SMARCC2: variants seen among roughly 807,000 people sequenced by gnomAD.
The protein encoded by SMARCC2 is SWI/SNF complex subunit SMARCC2.
Under a neutral mutation model 151.3 loss-of-function variants are expected in SMARCC2, and 15 were observed. The observed-to-expected ratio is 0.10, with a 90% CI of 0.07 to 0.15. SMARCC2 has a LOEUF of 0.15. SMARCC2 is among the 10% of genes least tolerant of loss of function. SMARCC2 has a pLI of 1.00. For synonymous variants in SMARCC2, 590 were observed against 609.5 expected, an observed-to-expected ratio of 0.97 and a Z score of 0.47; for missense variants, 1,031 against 1,599.7, an observed-to-expected ratio of 0.64 and a Z score of 6.06.
rs116870263 is a variant in SMARCC2, at chr12:56,167,543, G to A, written c.2850+517C>T. Among the ~76,000 whole-genome samples, 7 of 152,192 alleles carry A rather than the reference G, an allele frequency of 4.6e-5. No individual in the cohort carries two copies. The East Asian group carries it at 1.4e-3, about 29-fold the overall frequency. On this transcript the variant is annotated intron_variant, in intron 26 of 28. Transcript: ENST00000550164. ...TTTTTATGTCCTCCAAAGACAAAAT[G>A]GTTCAACACTGTGTCGGTCCCATTC...
Position 56,174,648 on chromosome 12 carries a change from C to T in SMARCC2, c.1496+3G>A. 6 of 1,603,742 alleles carry T rather than the reference C, an allele frequency of 3.7e-6. No homozygotes were observed. Among genetic ancestry groups the T allele is most frequent in the Non-Finnish European group, 5.1e-6 (6 of 1,170,922 alleles). The stretch of plus-strand genomic sequence containing the variant: ...CCCCCTTCCCCTCAGCCACAAGACC[C>T]ACCTCATGATGGCACAGACATCACC... On this transcript the variant is annotated splice_donor_region_variant and intron_variant, in intron 16 of 28. Transcript: ENST00000550164.
intron 15 of SMARCC2, among the ~76,000 whole-genome samples, chr12:56,175,082 G>C (rs1487371713): frequency 6.6e-6 from 1 of 152,212 alleles, no homozygotes; most frequent in East Asian, 1.9e-4. Context: ...CATGATCTTG[G>C]CTCATGGCAA....
chr12:56,184,156 AG>A lies in SMARCC2; in HGVS notation c.562+18del, dbSNP rs778023255. 1.9e-6 allele frequency: 3 copies of A among 1,597,022 alleles called. No homozygotes were observed. The Admixed American group carries it at 5.0e-5, about 27-fold the overall frequency. On this transcript the variant is annotated intron_variant, in intron 6 of 28. Coordinates refer to ENST00000550164, the MANE Select transcript of SMARCC2 (RefSeq NM_001330288.2). ...GTCCAAACCATCCACTCAAGTGGAC[AG>A]GAAAACCCAGGTCTCACCTTCTTCT...
intron 11 of SMARCC2, 143 bp from the exon 12 acceptor site, chr12:56,179,199 C>T (rs913173836): frequency 1.5e-6 from 1 of 678,156 alleles, no homozygotes; most frequent in Non-Finnish European, 2.5e-6. Context: ...CACAATTATT[C>T]TAGGGCTTCA....
chr12:56,177,163 C>T (rs1875177619), intron 15 of SMARCC2, among the ~76,000 whole-genome samples: 1 of 152,138 alleles, frequency 6.6e-6, no homozygotes, highest in Non-Finnish European at 1.5e-5. Flanking sequence ...CCAGCATGGT[C>T]GCGATCTCCT....
At chr12:56,164,934 C>T (rs557483354) in intron 27 of SMARCC2, among the ~76,000 whole-genome samples, 7 of 152,162 alleles carry the variant, frequency 4.6e-5, no homozygotes, top group East Asian at 1.9e-4. Context: ...ACTACATGTA[C>T]GCACCACCAC....
At chr12:56,183,271 C>T (rs969607543) in intron 7 of SMARCC2, 1 of 152,498 alleles carries the variant, frequency 6.6e-6, no homozygotes, top group African/African-American at 2.4e-5. Flanking sequence ...TATCCTGCTT[C>T]TCAGCCTCCT....
chr12:56,185,375 G>T (rs1877039991), intron 3 of SMARCC2: 1 of 395,898 alleles, frequency 2.5e-6, no homozygotes, highest in Non-Finnish European at 4.8e-6. Flanking sequence ...TAGAGACGAG[G>T]TTTCACCATA....
chr12:56,173,562 G>A (rs1483613565), intron 17 of SMARCC2, 134 bp downstream of exon 17: 3 of 771,388 alleles, frequency 3.9e-6, no homozygotes, highest in Non-Finnish European at 4.2e-6. Flanking sequence ...TGATTCCCGT[G>A]ACCCTTTGCA....
intron 2 of SMARCC2, chr12:56,186,537 A>T: frequency 2.9e-6 from 1 of 348,610 alleles, no homozygotes; most frequent in Non-Finnish European, 5.4e-6. Flanking sequence ...TTTAGTAGAG[A>T]CGGGGTTTCT....
In SMARCC2 at chr12:56,172,642, G is replaced by A. The variant is rs751507687; in HGVS notation, c.1806C>T (p.Asp602=). The A allele has an allele frequency of 1.1e-5, 18 of 1,614,108 alleles. No individual in the cohort carries two copies. The highest frequency in any genetic ancestry group is 2.7e-5 in the African/African-American group (2 of 74,932). The change falls in exon 19 of 29, where the codon GAC becomes GAT. Residue 602 remains aspartate, a synonymous_variant. Transcript: ENST00000550164. ...FPDKGKEKPT[D]MQNFGLRTDM... Reference sequence around the variant, plus strand: ...CTGTGCGCAGCCCAAAGTTTTGCATGTCTGTTGGTTTCTCTTTGCCTTTGT... The same window carrying A: ...CTGTGCGCAGCCCAAAGTTTTGCATATCTGTTGGTTTCTCTTTGCCTTTGT...
In SMARCC2 at chr12:56,168,207, G is replaced by T; in HGVS notation, c.2716-13C>A. On this transcript the variant is annotated splice_polypyrimidine_tract_variant and intron_variant, in intron 25 of 28. Coordinates refer to ENST00000550164, the MANE Select transcript of SMARCC2 (RefSeq NM_001330288.2). The stretch of plus-strand genomic sequence containing the variant: ...CAGCAGCCAAGTGCTAGGGAAGGAG[G>T]GGCGAGACAGCACATCAGTGGGAGG... The T allele has an allele frequency of 6.2e-7, 1 of 1,613,968 alleles. No homozygotes were observed.
At chr12:56,189,313 GC>G in intron 1 of SMARCC2, 37 bp downstream of exon 1, 3 of 1,338,936 alleles carry the variant, frequency 2.2e-6, no homozygotes, top group South Asian at 1.4e-5. Flanking sequence ...CCTTTGTCCC[GC>G]CCCCGGTCCC....
Position 56,173,747 on chromosome 12 carries a change from G to A in SMARCC2, c.1599C>T (p.Val533=). The change falls in exon 17 of 29, where the codon GTC becomes GTT. Residue 533 remains valine, a synonymous_variant. Transcript: ENST00000550164. ...CCAGCCCTGATGGTGTGTCAGCCAAGACATGGAAGTGAGAGGTAGGCGGAG... is the reference window on the plus strand; with the variant it reads ...CCAGCCCTGATGGTGTGTCAGCCAAAACATGGAAGTGAGAGGTAGGCGGAG... ...MGPPPTSHFH[V]LADTPSGLVP... The A allele has an allele frequency of 6.2e-7, 1 of 1,614,052 alleles. No individual in the cohort carries two copies. Among genetic ancestry groups the A allele is most frequent in the Non-Finnish European group, 8.5e-7 (1 of 1,179,964 alleles).
At chr12:56,166,581 TTTCTTTTTC>T (rs1438744529) in intron 26 of SMARCC2, among the ~76,000 whole-genome samples, 1 of 151,098 alleles carries the variant, frequency 6.6e-6, no homozygotes, top group Non-Finnish European at 1.5e-5. Flanking sequence ...CTATCTTCTA[TTTCTTTTTC>T]TTCTTTTTTT....
In SMARCC2 at chr12:56,163,035, G is replaced by A. The variant is rs1234055726; in HGVS notation, c.*654C>T. ...GACATTCAGAGGGAAAGGAATCATT[G>A]GCTGAGCTGGGGTGGCCTAAAACAG... On this transcript the variant is annotated 3_prime_UTR_variant, in exon 29 of 29. Coordinates refer to ENST00000550164, the MANE Select transcript of SMARCC2 (RefSeq NM_001330288.2). 6.6e-6 allele frequency: 1 copy of A among 152,282 alleles called. No homozygotes were observed. The highest frequency in any genetic ancestry group is 1.5e-5 in the Non-Finnish European group (1 of 68,072). 9.4% of individuals were successfully genotyped at this position (152,282 alleles called of 1,614,324 possible).
chr12:56,178,243 A>G, intron 14 of SMARCC2, 150 bp from the exon 15 acceptor site: 1 of 934,804 alleles, frequency 1.1e-6, no homozygotes, highest in South Asian at 1.6e-5. Context: ...AGGCTGTAAG[A>G]CTCAAAAGGA....
At chr12:56,164,281 T>C in intron 28 of SMARCC2, 22 bp downstream of exon 28, 1 of 1,608,846 alleles carries the variant, frequency 6.2e-7, no homozygotes. Context: ...CTCACCCTTC[T>C]CCCCTCTTGG....
chr12:56,172,515 A>G (rs1289994275), intron 19 of SMARCC2, 25 bp from the exon 20 acceptor site: 2 of 1,608,080 alleles, frequency 1.2e-6, no homozygotes, highest in Non-Finnish European at 1.7e-6. Flanking sequence ...CAGGCAGGTG[A>G]GAAGAAAGGA....
Sources: allele counts gnomAD v4.1 joint callset (sites outside exome capture counted in the v4.1 genomes callset), GRCh38; gene constraint gnomAD v4.1.1; transcripts MANE v1.5; gene names NCBI Gene and HGNC (gene_info 2026-07-23, HGNC 2026-07-21).